Variants in CYFIP1 observed in about 807,000 individuals in gnomAD.
The protein encoded by CYFIP1 is cytoplasmic FMR1 interacting protein 1, also known as cytoplasmic FMR1-interacting protein 1.
Under a neutral mutation model 163.5 loss-of-function variants are expected in CYFIP1, and 58 were observed. The observed-to-expected ratio is 0.35, with a 90% CI of 0.29 to 0.44. The LOEUF (loss-of-function observed/expected upper bound fraction) is 0.44, where lower values mean the gene tolerates loss of function less well. Among genes scored for constraint, CYFIP1 ranks in the 20% least tolerant of loss-of-function variants. The pLI is 1.00. For synonymous variants in CYFIP1, 663 were observed against 660.7 expected, an observed-to-expected ratio of 1.00 and a Z score of -0.05; for missense variants, 1,338 against 1,653.8, an observed-to-expected ratio of 0.81 and a Z score of 3.31.
chr15:22,942,520 A>C (rs78416985), intron 6 of CYFIP1, among the ~76,000 whole-genome samples: 35,820 of 151,234 alleles, frequency 0.24, 4,792 homozygotes, highest in Middle Eastern at 0.34. Flanking sequence ...CCAAATGCCC[A>C]TCGGCCACCC....
chr15:22,940,521 C>T (rs537452815), intron 6 of CYFIP1, among the ~76,000 whole-genome samples: 8 of 152,292 alleles, frequency 5.3e-5, no homozygotes, highest in African/African-American at 1.9e-4. Flanking sequence ...CTTAAGCAAC[C>T]ATTTAGGACC....
intron 2 of CYFIP1, 29 bp downstream of exon 2, chr15:22,947,140 T>C (rs1159095289): frequency 6.2e-7 from 1 of 1,613,996 alleles, no homozygotes; most frequent in African/African-American, 1.3e-5. Context: ...GAGCACAGGC[T>C]GTACGCCCTG....
At chr15:22,870,260 G>A in intron 30 of CYFIP1, 68 bp from the exon 31 acceptor site, 1 of 1,486,248 alleles carries the variant, frequency 6.7e-7, no homozygotes, top group Non-Finnish European at 9.1e-7. Context: ...GTTTCAAAAT[G>A]TCAGGATTCT....
chr15:22,967,176 A>G (rs1439655924), intron 1 of CYFIP1, among the ~76,000 whole-genome samples: 1 of 152,186 alleles, frequency 6.6e-6, no homozygotes, highest in Non-Finnish European at 1.5e-5. Context: ...GTGCTCTCCT[A>G]TCGCCCCTTC....
intron 1 of CYFIP1, among the ~76,000 whole-genome samples, chr15:22,953,476 A>AAC: frequency 6.6e-6 from 1 of 152,178 alleles, no homozygotes; most frequent in South Asian, 2.1e-4. Flanking sequence ...TCCTCCCATG[A>AAC]ATGCCACGTC....
At chr15:22,953,627 G>A (rs1286026780) in intron 1 of CYFIP1, among the ~76,000 whole-genome samples, 1 of 152,232 alleles carries the variant, frequency 6.6e-6, no homozygotes, top group African/African-American at 2.4e-5. Context: ...TTGGAATGGA[G>A]CCTCAGTTGT....
intron 1 of CYFIP1, chr15:22,951,446 G>GC: frequency 1.6e-6 from 2 of 1,289,500 alleles, no homozygotes; most frequent in African/African-American, 3.0e-5. Context: ...GCCTGCCCTT[G>GC]GTGTCCACGC....
rs1345384290 is a variant in CYFIP1, at chr15:22,946,991, C to A, written c.207+12G>T. The A allele has an allele frequency of 6.2e-7, 1 of 1,611,174 alleles. No homozygotes were observed. Among genetic ancestry groups the A allele is most frequent in the African/African-American group, 1.3e-5 (1 of 74,990 alleles). On this transcript the variant is annotated intron_variant, in intron 3 of 30. Transcript: ENST00000617928. ...CTCTGCAGAGAGAAACAAAGACACA[C>A]CGCAACATTACCATGCTAGAGTGGA...
rs185710801 is a variant in CYFIP1, at chr15:22,957,631, A to T, written c.-6-10340T>A. 6.0e-4 allele frequency among the ~76,000 whole-genome samples: 91 copies of T among 152,304 alleles called. 1 individual carries two copies. In the East Asian group the frequency reaches 0.016, roughly 27 times the overall value. ...AGCCTGGGCGACAGAGCAAGACTCC[A>T]TCTCAAAAAACAAAAAATGTTACAA... On this transcript the variant is annotated intron_variant, in intron 1 of 30. Coordinates refer to ENST00000617928, the MANE Select transcript of CYFIP1 (RefSeq NM_014608.6).
chr15:22,972,648 AC>A (rs2063141038), intron 1 of CYFIP1, among the ~76,000 whole-genome samples: 1 of 152,200 alleles, frequency 6.6e-6, no homozygotes, highest in South Asian at 2.1e-4. Flanking sequence ...AAAACTAGAT[AC>A]ACACATACAG....
At chr15:22,959,490 C>T (rs1296373602) in intron 1 of CYFIP1, among the ~76,000 whole-genome samples, 1 of 152,238 alleles carries the variant, frequency 6.6e-6, no homozygotes, top group Admixed American at 6.5e-5. Flanking sequence ...CCGTGGCTTG[C>T]CTCACGTGCC....
At chr15:22,970,610 CA>C (rs2063060098) in intron 1 of CYFIP1, among the ~76,000 whole-genome samples, 1 of 152,142 alleles carries the variant, frequency 6.6e-6, no homozygotes, top group Admixed American at 6.5e-5. Context: ...GCCAATTAAA[CA>C]GAACAAAGAA....
At chr15:22,942,606 GGCTAGCTTCTCCAGAA>G (rs1158394101) in intron 6 of CYFIP1, among the ~76,000 whole-genome samples, 1 of 152,144 alleles carries the variant, frequency 6.6e-6, no homozygotes. Context: ...CCTCTCCAGA[GGCTAGCTTCTCCAGAA>G]GCTCTCTACA....
At chr15:22,959,099 G>A in intron 1 of CYFIP1, among the ~76,000 whole-genome samples, 1 of 152,280 alleles carries the variant, frequency 6.6e-6, no homozygotes, top group East Asian at 1.9e-4. Context: ...CAGGCACACA[G>A]ATGAGCTCGG....
At chr15:22,937,030 C>T (rs2061732216) in intron 9 of CYFIP1, 74 bp downstream of exon 9, 2 of 997,972 alleles carry the variant, frequency 2.0e-6, no homozygotes, top group Non-Finnish European at 3.2e-6. Context: ...CACAGTCACA[C>T]AGGGGCTCAC....
chr15:22,978,829 T>G (rs1215736273), intron 1 of CYFIP1, among the ~76,000 whole-genome samples: 2 of 151,944 alleles, frequency 1.3e-5, no homozygotes, highest in East Asian at 3.9e-4. Context: ...TGTGACATTC[T>G]GGAATGGGCA....
intron 1 of CYFIP1, 103 bp from the exon 2 acceptor site, chr15:22,947,394 C>A: frequency 6.7e-7 from 1 of 1,491,424 alleles, no homozygotes; most frequent in African/African-American, 1.4e-5. Context: ...CCCGCTCTCC[C>A]GAGGGCACCG....
intron 1 of CYFIP1, among the ~76,000 whole-genome samples, chr15:22,969,996 A>G (rs1336312975): frequency 6.6e-6 from 1 of 152,186 alleles, no homozygotes; most frequent in Non-Finnish European, 1.5e-5. Context: ...AGTAAATCCC[A>G]AAGATTCCAT....
chr15:22,914,718 A>T lies in CYFIP1; in HGVS notation c.1985+8T>A. 1 of 1,607,726 alleles carries T rather than the reference A, an allele frequency of 6.2e-7. No individual in the cohort carries two copies. Among genetic ancestry groups the T allele is most frequent in the Non-Finnish European group, 8.5e-7 (1 of 1,176,628 alleles). On this transcript the variant is annotated splice_region_variant and intron_variant, in intron 17 of 30. Transcript: ENST00000617928. Reference sequence around the variant, plus strand: ...CAAAGGCTGGAGACAGGCCCGCAGGACACGCACTCCATCATCGATGCCTCC... The same window carrying T: ...CAAAGGCTGGAGACAGGCCCGCAGGTCACGCACTCCATCATCGATGCCTCC...
Sources: gnomAD v4.1 joint callset for allele counts (sites outside exome capture counted in the v4.1 genomes callset) on GRCh38, gnomAD v4.1.1 for gene constraint, MANE v1.5 for transcripts, NCBI Gene and HGNC (gene_info 2026-07-23, HGNC 2026-07-21) for gene names.